Variants in ANK2 observed in about 807,000 individuals in gnomAD.
ANK2 encodes ankyrin 2.
In ANK2, 83 loss-of-function variants were observed where a neutral mutation model predicts 360.5. The ratio of observed to expected loss-of-function variants is 0.23; its 90% CI spans 0.19 to 0.28. The LOEUF is 0.28. Among genes scored for constraint, ANK2 ranks in the 10% least tolerant of loss-of-function variants. The probability of loss-of-function intolerance (pLI) is 1.00; values close to 1 mark genes in which losing one functional copy is unlikely to be tolerated. For synonymous variants in ANK2, 1,740 were observed against 1,759.5 expected (o/e 0.99, Z 0.28); for missense variants, 4,201 against 4,795.7 (o/e 0.88, Z 3.66).
chr4:112,876,900 C>G (rs1026827384), intron 1 of ANK2, among the ~76,000 whole-genome samples: 2 of 152,090 alleles, frequency 1.3e-5, no homozygotes, highest in African/African-American at 4.8e-5. Context: ...ATTTGTTGCA[C>G]TGATAGATAA....
the ANK2 span, among the ~76,000 whole-genome samples, chr4:112,722,062 C>A: frequency 2.6e-5 from 4 of 152,204 alleles, no homozygotes; most frequent in Non-Finnish European, 5.9e-5. Context: ...CATCCACAGG[C>A]TTTTGACTCT....
the ANK2 span, chr4:112,788,036 G>T: frequency 1.0e-6 from 1 of 979,020 alleles, no homozygotes; most frequent in Non-Finnish European, 1.6e-6. Flanking sequence ...AGGAAAATTT[G>T]TATTATTTTA....
At chr4:113,368,235 T>G (rs1298456965) in intron 42 of ANK2, among the ~76,000 whole-genome samples, 1 of 152,252 alleles carries the variant, frequency 6.6e-6, no homozygotes, top group Admixed American at 6.5e-5. Flanking sequence ...TGACTTATAA[T>G]ATTGCTGCAC....
intron 14 of ANK2, among the ~76,000 whole-genome samples, chr4:113,270,616 A>G (rs1001635970): frequency 6.6e-6 from 1 of 152,158 alleles, no homozygotes; most frequent in Non-Finnish European, 1.5e-5. Context: ...ATTCTAAGCT[A>G]CAACTGAAAT....
chr4:112,887,258 C>A (rs1271060212), intron 1 of ANK2, among the ~76,000 whole-genome samples: 1 of 152,190 alleles, frequency 6.6e-6, no homozygotes, highest in Non-Finnish European at 1.5e-5. Flanking sequence ...CTTTGACTTA[C>A]AATTTTTCAA....
At chr4:113,178,218 AC>A (rs1411274805) in intron 2 of ANK2, among the ~76,000 whole-genome samples, 1 of 152,026 alleles carries the variant, frequency 6.6e-6, no homozygotes. Context: ...TGATCGTGCC[AC>A]TGTGCTTCAG....
chr4:113,362,261 T>G (rs925788582), intron 39 of ANK2, among the ~76,000 whole-genome samples: 1 of 152,146 alleles, frequency 6.6e-6, no homozygotes, highest in African/African-American at 2.4e-5. Context: ...TTTGTGAGTA[T>G]ATCTATAGGG....
Position 112,938,666 on chromosome 4 carries a change from A to T in ANK2, c.21+34152A>T, listed in dbSNP as rs374887306. Among the ~76,000 whole-genome samples the T allele has an allele frequency of 2.6e-5, 4 of 152,224 alleles. No homozygotes were observed. The East Asian group carries it at 7.7e-4, about 29-fold the overall frequency. Reference sequence around the variant, plus strand: ...TCGGCTCAATCAGACATTGCCACCTAGTGGATTACTTCTAGATAGCAGAGA... The same window carrying T: ...TCGGCTCAATCAGACATTGCCACCTTGTGGATTACTTCTAGATAGCAGAGA... On this transcript the variant is annotated intron_variant, in intron 2 of 30. Coordinates refer to the ANK2 transcript ENST00000503271.
At chr4:113,029,486 C>T (rs574363494) in intron 2 of ANK2, among the ~76,000 whole-genome samples, 19 of 152,224 alleles carry the variant, frequency 1.2e-4, no homozygotes, top group African/African-American at 3.4e-4. Context: ...CCACCTCACC[C>T]TCCCAAAGTG....
Position 113,302,645 on chromosome 4 carries a change from G to C in ANK2, c.2476-122G>C, listed in dbSNP as rs2075541577. ...ATTTCCAAAATATACACGCGGGAAA[G>C]ATCCCGTAGTCATGGCTCGATGGCT... On this transcript the variant is annotated intron_variant, in intron 22 of 45. Transcript: ENST00000357077. 1.0e-5 allele frequency: 8 copies of C among 773,356 alleles called. No homozygotes were observed. In the Admixed American group the frequency reaches 1.6e-4, roughly 15 times the overall value. The allele number at this position is 773,356 out of a possible 1,614,324, so 47.9% of individuals were successfully genotyped here. A position where few individuals can be genotyped will look rare whatever the true frequency, so the allele number is the denominator to read the frequency against.
At chr4:113,230,767 T>G (rs889769408) in intron 4 of ANK2, among the ~76,000 whole-genome samples, 47 of 152,224 alleles carry the variant, frequency 3.1e-4, no homozygotes, top group Non-Finnish European at 5.9e-5. Flanking sequence ...TTTAAACTCA[T>G]GTTATACAAT....
At chr4:113,252,703 A>T (rs936011130) in intron 10 of ANK2, among the ~76,000 whole-genome samples, 12 of 152,094 alleles carry the variant, frequency 7.9e-5, no homozygotes, top group African/African-American at 2.9e-4. Flanking sequence ...ACTCTTCCTC[A>T]TTCACATCAT....
the ANK2 span, among the ~76,000 whole-genome samples, chr4:112,764,631 C>T: frequency 1.3e-5 from 2 of 151,864 alleles, no homozygotes; most frequent in South Asian, 2.1e-4. Flanking sequence ...TGTGAGCCAC[C>T]GTACCTGGTC....
At chr4:113,367,509 A>G (rs2096580181) in intron 41 of ANK2, 57 bp from the exon 42 acceptor site, 7 of 1,489,234 alleles carry the variant, frequency 4.7e-6, no homozygotes, top group Non-Finnish European at 6.5e-6. Flanking sequence ...TTACTTAATA[A>G]ATATCCATTC....
Position 113,214,223 on chromosome 4 carries a change from G to C in ANK2, c.384+15114G>C, listed in dbSNP as rs527865333. 25 of 1,008,222 alleles carry C rather than the reference G, an allele frequency of 2.5e-5. 1 individual carries two copies. Among genetic ancestry groups the C allele is most frequent in the African/African-American group, 6.5e-5 (4 of 61,532 alleles). The allele number at this position is 1,008,222 out of a possible 1,614,324, so 62.5% of individuals were successfully genotyped here. On this transcript the variant is annotated intron_variant, in intron 4 of 45. Coordinates refer to ENST00000357077, the MANE Select transcript of ANK2 (RefSeq NM_001148.6). ...TGGGAAGCACATAGGCATCGAAGAC[G>C]CTCGCTTCAGAAATGTCCCTGACTG...
At chr4:112,723,045 A>G in the ANK2 span, among the ~76,000 whole-genome samples, 2 of 152,210 alleles carry the variant, frequency 1.3e-5, no homozygotes, top group African/African-American at 2.4e-5. Flanking sequence ...GTCTGGGCTC[A>G]TTGCCATCCA....
chr4:113,289,735 T>G (rs2066616163), intron 20 of ANK2, among the ~76,000 whole-genome samples: 1 of 152,258 alleles, frequency 6.6e-6, no homozygotes, highest in Non-Finnish European at 1.5e-5. Flanking sequence ...TAAATAATAC[T>G]ATTAACATTT....
the ANK2 span, among the ~76,000 whole-genome samples, chr4:112,765,325 C>T: frequency 6.6e-6 from 1 of 152,172 alleles, no homozygotes; most frequent in African/African-American, 2.4e-5. Context: ...TGGTTGTTTG[C>T]TTAGGCCTCT....
intron 1 of ANK2, among the ~76,000 whole-genome samples, chr4:113,133,960 C>G (rs72892049): frequency 0.011 from 1,712 of 151,836 alleles, 30 homozygotes; most frequent in African/African-American, 0.038. Context: ...AAGGAACAGA[C>G]AAACAAAATA....
Sources: allele counts gnomAD v4.1 joint callset (sites outside exome capture counted in the v4.1 genomes callset), GRCh38; gene constraint gnomAD v4.1.1; transcripts MANE v1.5; gene names NCBI Gene and HGNC (gene_info 2026-07-23, HGNC 2026-07-21).